The following ARRDC2 variants were observed in gnomAD, a reference collection of about 807,000 sequenced individuals.
The protein encoded by ARRDC2 is arrestin domain-containing protein 2.
In ARRDC2, 39 loss-of-function variants were observed where a neutral mutation model predicts 38.9. The observed-to-expected ratio is 1.00, with a 90% CI of 0.78 to 1.31. The LOEUF is 1.31. Ranked by LOEUF, ARRDC2 falls within the 50% of genes most tolerant of loss-of-function variation. The pLI, the probability that ARRDC2 is intolerant of heterozygous loss-of-function variation, is 0.00. For missense variants in ARRDC2, 553 were observed against 588.4 expected, an observed-to-expected ratio of 0.94 and a Z score of 0.62; for synonymous variants, 300 against 261.9, an observed-to-expected ratio of 1.15 and a Z score of -1.41.
intron 7 of ARRDC2, among the ~76,000 whole-genome samples, chr19:18,011,594 G>A (rs958942636): frequency 1.3e-4 from 19 of 151,942 alleles, no homozygotes; most frequent in Non-Finnish European, 2.5e-4. Context: ...GGCTGGGTGC[G>A]GTGGCTCATG....
Position 18,008,517 on chromosome 19 carries a change from G to A in ARRDC2, c.207G>A (p.Thr69=). ...WTESRSAGSS[T]AYTQSYSERV... is the part of the protein sequence containing the mutation. The stretch of plus-strand genomic sequence containing the variant: ...AGTCGCGCAGCGCGGGCTCGAGCAC[G>A]GCTTACACGCAGAGCTACAGTGAAC... The change falls in exon 1 of 8, where the codon ACG becomes ACA. Residue 69 remains threonine (T), a synonymous_variant. Transcript: ENST00000222250. 6.5e-7 allele frequency: 1 copy of A among 1,539,200 alleles called. No individual in the cohort carries two copies. Among genetic ancestry groups the A allele is most frequent in the Non-Finnish European group, 8.7e-7 (1 of 1,149,866 alleles).
intron 7 of ARRDC2, 125 bp downstream of exon 7, chr19:18,010,854 AC>A: frequency 9.2e-7 from 1 of 1,087,548 alleles, no homozygotes; most frequent in Non-Finnish European, 1.3e-6. Flanking sequence ...TTGCTCTGTC[AC>A]CCAGGCTGGA....
At chr19:18,001,352 T>C in exon 1 of ARRDC2, 1 of 1,194,296 alleles carries the variant, frequency 8.4e-7, no homozygotes. Context: ...GCGCTGGAGC[T>C]GGCGCGGGGC....
upstream of ARRDC2, among the ~76,000 whole-genome samples, chr19:18,005,406 G>A (rs560627122): frequency 5.1e-3 from 781 of 152,092 alleles, 7 homozygotes; most frequent in African/African-American, 0.017. Context: ...ACACAGACAC[G>A]GCAACCATCC....
At chr19:18,010,437 G>T in intron 6 of ARRDC2, 79 bp downstream of exon 6, 1 of 1,562,098 alleles carries the variant, frequency 6.4e-7, no homozygotes, top group Non-Finnish European at 8.7e-7. Context: ...CTCTCACCAC[G>T]AGTCCCCCGG....
upstream of ARRDC2, among the ~76,000 whole-genome samples, chr19:18,006,118 G>C (rs997271555): frequency 1.3e-5 from 2 of 151,554 alleles, no homozygotes; most frequent in African/African-American, 4.9e-5. Flanking sequence ...TGGCGGCCGG[G>C]CAGAGACGCT....
chr19:18,010,762 T>A, intron 7 of ARRDC2, 33 bp downstream of exon 7: 1 of 1,602,088 alleles, frequency 6.2e-7, no homozygotes, highest in Non-Finnish European at 8.5e-7. Flanking sequence ...CACCCATGCC[T>A]CTCTGGGCCC....
At chr19:18,005,882 C>A (rs1260559803), upstream of ARRDC2, among the ~76,000 whole-genome samples, 2 of 148,076 alleles carry the variant, frequency 1.4e-5, no homozygotes, top group African/African-American at 2.5e-5. Context: ...GGGCGGCTGC[C>A]GGGCGGAGGG....
chr19:18,005,540 G>A (rs1391119092), upstream of ARRDC2, among the ~76,000 whole-genome samples: 3 of 151,952 alleles, frequency 2.0e-5, no homozygotes, highest in East Asian at 1.9e-4. Flanking sequence ...CCGGGCAGAG[G>A]GGCTCCTCAC....
At chr19:18,006,126 G>C (rs1030138040), upstream of ARRDC2, among the ~76,000 whole-genome samples, 3 of 148,856 alleles carry the variant, frequency 2.0e-5, no homozygotes, top group Non-Finnish European at 3.0e-5. Context: ...GGGCAGAGAC[G>C]CTCCTCACTT....
At position 18,012,940 on chromosome 19, in the gene ARRDC2, A is replaced by G. The variant is rs767301101; in HGVS notation, c.1198A>G (p.Met400Val). The change falls in exon 8 of 8, where the codon ATG becomes GTG. Residue 400 changes from methionine to valine, a missense_variant. This residue lies in a region of ARRDC2 where 100 missense variants were observed against 107.6 expected (regional missense o/e 0.93). Coordinates refer to ENST00000222250, the MANE Select transcript of ARRDC2 (RefSeq NM_015683.2). Reference sequence around the variant, plus strand: ...GGATCCAAACCCACTCTTGGGGGACATGAGGCCGCGCTGCATGACTTGCTG... The same window carrying G: ...GGATCCAAACCCACTCTTGGGGGACGTGAGGCCGCGCTGCATGACTTGCTG... ...EEDPNPLLGDMRPRCMTC is the reference protein window; with the variant it reads ...EEDPNPLLGDVRPRCMTC The G allele has an allele frequency of 1.2e-6, 2 of 1,613,922 alleles. No homozygotes were observed. Among genetic ancestry groups the G allele is most frequent in the South Asian group, 1.1e-5 (1 of 91,026 alleles).
chr19:18,006,843 TCTC>T (rs1433141532), upstream of ARRDC2, among the ~76,000 whole-genome samples: 1 of 152,042 alleles, frequency 6.6e-6, no homozygotes, highest in African/African-American at 2.4e-5. Context: ...TAATCCCGCT[TCTC>T]CTCCCGGACT....
At chr19:18,004,245 CTTTTT>C (rs34248029), upstream of ARRDC2, among the ~76,000 whole-genome samples, 1 of 114,782 alleles carries the variant, frequency 8.7e-6, no homozygotes. Flanking sequence ...GCCGGGCTAA[CTTTTT>C]TTTTTTTTTT....
chr19:18,010,279 C>T lies in ARRDC2; in HGVS notation c.933C>T (p.Gly311=). The T allele has an allele frequency of 6.2e-7, 1 of 1,613,708 alleles. No homozygotes were observed. Among genetic ancestry groups the T allele is most frequent in the Admixed American group, 1.7e-5 (1 of 60,022 alleles). Residue 311 remains glycine (G), a synonymous_variant, in exon 6 of 8, where the codon GGC becomes GGT. Transcript: ENST00000222250. The stretch of plus-strand genomic sequence containing the variant: ...GCACCATTCCCTTGCACCCTTTTGG[C>T]AGCCGTTCCTCCAGCGTGGGCAGCC... ...VIGTIPLHPF[G]SRSSSVGSHA... is the part of the protein sequence containing the mutation.
Position 18,009,888 on chromosome 19 carries a change from G to A in ARRDC2, c.698G>A (p.Arg233Gln), listed in dbSNP as rs1324406560. The A allele has an allele frequency of 4.3e-6, 7 of 1,610,538 alleles. No individual in the cohort carries two copies. The East Asian group carries it at 6.7e-5, about 15-fold the overall frequency. Residue 233 changes from arginine (R) to glutamine (Q), a missense_variant, in exon 5 of 8, where the codon CGA (arginine) becomes CAA (glutamine). This residue lies in a region of ARRDC2 where 447 missense variants were observed against 456.6 expected (regional missense o/e 0.98). Transcript: ENST00000222250. ...QTQTFMARGA[R>Q]KQKRAVVASL... ...CAGACGTTCATGGCCCGAGGCGCCC[G>A]AAAGCAGAAACGGGCAGTGGTGGCC...
At chr19:18,006,501 C>T (rs997940791), upstream of ARRDC2, among the ~76,000 whole-genome samples, 8 of 152,174 alleles carry the variant, frequency 5.3e-5, no homozygotes, top group Admixed American at 1.3e-4. Context: ...CGCCTGCAAT[C>T]GCAGGCACTC....
rs1036110936 is a variant in ARRDC2 at position 18,009,354 on chromosome 19, A to C, written c.489+236A>C. On this transcript the variant is annotated intron_variant, in intron 3 of 7. Coordinates refer to ENST00000222250, the MANE Select transcript of ARRDC2 (RefSeq NM_015683.2). ...AGATGCCTCTTCTGTGAAATAGACC[A>C]GAGCTAGGGCTTACCAAGTGTGAAT... 3.4e-5 allele frequency: 22 copies of C among 638,584 alleles called. No homozygotes were observed. In the African/African-American group the frequency reaches 4.0e-4, roughly 12 times the overall value. 39.6% of individuals were successfully genotyped at this position (638,584 alleles called of 1,614,324 possible). A position where few individuals can be genotyped will look rare whatever the true frequency, so the allele number is the denominator to read the frequency against.
Position 18,008,525 on chromosome 19 carries a change from CG to C in ARRDC2, c.216del (p.Gln73ArgfsTer10). 1 of 1,545,818 alleles carries C rather than the reference CG, an allele frequency of 6.5e-7. No individual in the cohort carries two copies. The highest frequency in any genetic ancestry group is 1.2e-5 in the South Asian group (1 of 86,236). ...SRSAGSSTAY[T>X]QSYSERVEVV... ...AGCGCGGGCTCGAGCACGGCTTACA[CG>C]CAGAGCTACAGTGAACGCGTGGAGG... On this transcript the variant is annotated frameshift_variant, in exon 1 of 8. Coordinates refer to ENST00000222250, the MANE Select transcript of ARRDC2 (RefSeq NM_015683.2). LOFTEE classifies it high-confidence loss of function.
upstream of ARRDC2, chr19:18,008,143 A>G (rs2033319710): frequency 1.0e-6 from 1 of 996,396 alleles, no homozygotes; most frequent in African/African-American, 2.0e-5. Context: ...CCTGCCGTAT[A>G]AAAGCGGCGC....
Sources: gnomAD v4.1 joint callset for allele counts (sites outside exome capture counted in the v4.1 genomes callset) on GRCh38, gnomAD v4.1.1 for gene constraint, gnomAD v4.1.1 regional missense constraint, MANE v1.5 for transcripts, NCBI Gene and HGNC (gene_info 2026-07-23, HGNC 2026-07-21) for gene names.